The following ITGAV variants were observed in gnomAD, a reference collection of about 807,000 sequenced individuals.
The protein encoded by ITGAV is integrin alpha-V.
A neutral mutation model predicts 143.8 loss-of-function variants in ITGAV; 76 were observed. The observed-to-expected ratio is 0.53, with a 90% confidence interval of 0.44 to 0.64. The LOEUF is 0.64. Ranked by LOEUF, ITGAV falls within the 30% of genes least tolerant of loss-of-function variation. The probability of loss-of-function intolerance (pLI) is 0.00; values close to 1 mark genes in which losing one functional copy is unlikely to be tolerated. For missense variants in ITGAV, 1,193 were observed against 1,274.7 expected (o/e 0.94, Z 0.98); for synonymous variants, 453 against 446.7 (o/e 1.01, Z -0.18).
chr2:186,650,944 GA>G (rs1559059735), intron 14 of ITGAV, among the ~76,000 whole-genome samples: 1 of 152,136 alleles, frequency 6.6e-6, no homozygotes, highest in Non-Finnish European at 1.5e-5. Context: ...TAAGAAGCAG[GA>G]AATTAACCTC....
chr2:186,633,542 AAT>A (rs894187598), intron 6 of ITGAV, among the ~76,000 whole-genome samples, 168 bp downstream of exon 6: 2 of 150,668 alleles, frequency 1.3e-5, no homozygotes, highest in Non-Finnish European at 3.0e-5. Flanking sequence ...GAATATATAT[AAT>A]ATATATTAAA....
intron 28 of ITGAV, among the ~76,000 whole-genome samples, 174 bp from the exon 29 acceptor site, chr2:186,676,639 G>A (rs557269097): frequency 2.6e-5 from 4 of 152,192 alleles, no homozygotes; most frequent in African/African-American, 7.2e-5. Context: ...ATCATTGGGA[G>A]TTTCATGTGT....
chr2:186,644,804 G>A (rs565181202), intron 12 of ITGAV, among the ~76,000 whole-genome samples: 34 of 148,950 alleles, frequency 2.3e-4, no homozygotes, highest in African/African-American at 7.4e-4. Context: ...CATCCAATGG[G>A]GGCAGCATAT....
chr2:186,664,760 A>G, intron 20 of ITGAV, 119 bp downstream of exon 20: 1 of 1,181,462 alleles, frequency 8.5e-7, no homozygotes, highest in Non-Finnish European at 1.2e-6. Flanking sequence ...CTAAATTGAT[A>G]GACAATGGAG....
chr2:186,656,892 G>A (rs1249740238), intron 17 of ITGAV, among the ~76,000 whole-genome samples: 1 of 152,062 alleles, frequency 6.6e-6, no homozygotes, highest in African/African-American at 2.4e-5. Flanking sequence ...TCTGATTCCA[G>A]CAAGAGCCAA....
At chr2:186,599,872 A>G (rs1370481898) in intron 1 of ITGAV, among the ~76,000 whole-genome samples, 1 of 152,138 alleles carries the variant, frequency 6.6e-6, no homozygotes, top group Non-Finnish European at 1.5e-5. Flanking sequence ...GTTGTACTCC[A>G]GATGTTTTTT....
intron 12 of ITGAV, among the ~76,000 whole-genome samples, chr2:186,644,833 G>A (rs1323964717): frequency 6.9e-6 from 1 of 145,050 alleles, no homozygotes; most frequent in Non-Finnish European, 1.5e-5. Context: ...AAAAAAAAAA[G>A]TACCTCAATG....
At chr2:186,629,931 T>G (rs747859287) in intron 4 of ITGAV, among the ~76,000 whole-genome samples, 1 of 152,112 alleles carries the variant, frequency 6.6e-6, no homozygotes. Context: ...TTAAATTAAT[T>G]GGCTAATTGT....
intron 1 of ITGAV, among the ~76,000 whole-genome samples, chr2:186,597,619 G>T (rs2105648897): frequency 6.6e-6 from 1 of 152,274 alleles, no homozygotes; most frequent in East Asian, 1.9e-4. Context: ...TATATTGTAA[G>T]ACAGGGGTCC....
rs371576398 is a variant in ITGAV at position 186,670,375 on chromosome 2, A to C, written c.2706+561A>C. 3.3e-5 allele frequency among the ~76,000 whole-genome samples: 5 copies of C among 152,190 alleles called. No homozygotes were observed. In the South Asian group the frequency reaches 6.2e-4, roughly 19 times the overall value. Reference sequence around the variant, plus strand: ...GAGTGCAATGACACAAACACAGCTCACTGAGGCCTTGACCTCCCAGGCTCA... The same window carrying C: ...GAGTGCAATGACACAAACACAGCTCCCTGAGGCCTTGACCTCCCAGGCTCA... On this transcript the variant is annotated intron_variant, in intron 26 of 29. Coordinates refer to ENST00000261023, the MANE Select transcript of ITGAV (RefSeq NM_002210.5).
chr2:186,666,397 C>T (rs943878479), intron 21 of ITGAV, among the ~76,000 whole-genome samples: 4 of 152,150 alleles, frequency 2.6e-5, no homozygotes, highest in African/African-American at 7.2e-5. Flanking sequence ...AATTATTGTA[C>T]CCAGTTGCTA....
intron 23 of ITGAV, 67 bp downstream of exon 23, chr2:186,667,297 T>C (rs970883799): frequency 7.3e-6 from 9 of 1,226,584 alleles, no homozygotes; most frequent in Non-Finnish European, 1.1e-5. Context: ...CTGTCAGGCC[T>C]TAGCCTTTTC....
intron 21 of ITGAV, among the ~76,000 whole-genome samples, chr2:186,665,590 A>C (rs1450001224): frequency 2.6e-5 from 4 of 152,200 alleles, no homozygotes; most frequent in African/African-American, 7.2e-5. Flanking sequence ...GCTAGATTCC[A>C]TCACAGGCCC....
chr2:186,607,963 C>T (rs566287247), intron 2 of ITGAV, among the ~76,000 whole-genome samples: 22 of 152,136 alleles, frequency 1.4e-4, no homozygotes, highest in Admixed American at 2.0e-4. Flanking sequence ...TGTTTTGTGG[C>T]GACTCTGGAA....
At chr2:186,595,035 C>A (rs1456147741) in intron 1 of ITGAV, among the ~76,000 whole-genome samples, 1 of 152,172 alleles carries the variant, frequency 6.6e-6, no homozygotes, top group African/African-American at 2.4e-5. Context: ...TAGTTGTTGA[C>A]TGGCATTTTT....
At chr2:186,653,995 TAAAG>T (rs924552445) in intron 15 of ITGAV, among the ~76,000 whole-genome samples, 2 of 152,128 alleles carry the variant, frequency 1.3e-5, no homozygotes, top group African/African-American at 4.8e-5. Flanking sequence ...GGTTGCTAAT[TAAAG>T]AAAGTTTTGG....
intron 4 of ITGAV, among the ~76,000 whole-genome samples, chr2:186,628,840 A>T (rs1304708765): frequency 6.6e-6 from 1 of 152,076 alleles, no homozygotes; most frequent in Non-Finnish European, 1.5e-5. Flanking sequence ...AATGATAAAG[A>T]TATTATTGAT....
chr2:186,649,749 C>T (rs1688371448), intron 13 of ITGAV, 91 bp from the exon 14 acceptor site: 1 of 861,372 alleles, frequency 1.2e-6, no homozygotes, highest in South Asian at 1.8e-5. Flanking sequence ...TTTGTTCAAA[C>T]CTTTTTATAT....
At chr2:186,620,033 C>T (rs1469140323) in intron 2 of ITGAV, among the ~76,000 whole-genome samples, 1 of 151,990 alleles carries the variant, frequency 6.6e-6, no homozygotes, top group Admixed American at 6.6e-5. Context: ...TTGATAACCA[C>T]TCCCTTCCTG....
Sources: allele counts gnomAD v4.1 joint callset (sites outside exome capture counted in the v4.1 genomes callset), GRCh38; gene constraint gnomAD v4.1.1; transcripts MANE v1.5; gene names NCBI Gene and HGNC (gene_info 2026-07-23, HGNC 2026-07-21).